CNTN1: variants seen among roughly 807,000 people sequenced by gnomAD.
The protein encoded by CNTN1 is contactin 1.
Under a neutral mutation model 126.4 loss-of-function variants are expected in CNTN1, and 38 were observed. The observed-to-expected ratio is 0.30, with a 90% confidence interval of 0.23 to 0.39. The LOEUF (loss-of-function observed/expected upper bound fraction) is 0.39, where lower values mean the gene tolerates loss of function less well. CNTN1 is among the 10% of genes least tolerant of loss of function. CNTN1 has a pLI of 1.00. For missense variants in CNTN1, 1,009 were observed against 1,248.4 expected, an observed-to-expected ratio of 0.81 and a Z score of 2.89; for synonymous variants, 413 against 422.6, an observed-to-expected ratio of 0.98 and a Z score of 0.28.
intron 14 of CNTN1, among the ~76,000 whole-genome samples, chr12:40,952,033 T>C (rs998056969): frequency 6.6e-6 from 1 of 152,124 alleles, no homozygotes; most frequent in African/African-American, 2.4e-5. Flanking sequence ...ATAGTACTAT[T>C]CTTTCTACTT....
chr12:41,006,336 CT>C (rs1161427059), intron 17 of CNTN1, among the ~76,000 whole-genome samples: 1 of 152,188 alleles, frequency 6.6e-6, no homozygotes, highest in African/African-American at 2.4e-5. Flanking sequence ...CTAACAAGTG[CT>C]GGGGTATCTG....
chr12:40,887,692 C>T (rs1298331622), intron 1 of CNTN1, among the ~76,000 whole-genome samples: 2 of 152,072 alleles, frequency 1.3e-5, no homozygotes, highest in African/African-American at 4.8e-5. Context: ...ATAAATCATG[C>T]TGCTATAAAG....
intron 1 of CNTN1, among the ~76,000 whole-genome samples, chr12:40,711,755 A>G (rs1034679821): frequency 1.3e-5 from 2 of 151,556 alleles, no homozygotes; most frequent in Non-Finnish European, 2.9e-5. Flanking sequence ...TCTGTCTTCC[A>G]TGCTGGAGTG....
At chr12:41,011,576 T>A (rs1948653982) in intron 17 of CNTN1, among the ~76,000 whole-genome samples, 1 of 152,238 alleles carries the variant, frequency 6.6e-6, no homozygotes, top group South Asian at 2.1e-4. Flanking sequence ...GTTGCAGGTG[T>A]GGCTTCCCCA....
At chr12:40,983,720 C>A (rs1251958271) in intron 16 of CNTN1, among the ~76,000 whole-genome samples, 1 of 147,804 alleles carries the variant, frequency 6.8e-6, no homozygotes, top group African/African-American at 2.5e-5. Flanking sequence ...CTCTTTTGTG[C>A]TATTACAGTA....
At chr12:40,760,984 A>G (rs1565698280) in intron 1 of CNTN1, among the ~76,000 whole-genome samples, 1 of 152,174 alleles carries the variant, frequency 6.6e-6, no homozygotes, top group Non-Finnish European at 1.5e-5. Flanking sequence ...TACTCTGTCA[A>G]ATAAAATTTA....
intron 22 of CNTN1, 36 bp from the exon 23 acceptor site, chr12:41,029,027 A>G (rs1949089985): frequency 6.2e-7 from 1 of 1,604,026 alleles, no homozygotes; most frequent in African/African-American, 1.3e-5. Flanking sequence ...CATTATTATG[A>G]CTTTACTGCA....
chr12:40,813,007 C>A (rs1009942140), intron 1 of CNTN1, among the ~76,000 whole-genome samples: 2 of 92,198 alleles, frequency 2.2e-5, no homozygotes, highest in Admixed American at 1.3e-4. Context: ...CTTTTTCCTT[C>A]CTTCCATCCT....
At chr12:40,809,146 T>A (rs1412246983) in intron 1 of CNTN1, among the ~76,000 whole-genome samples, 2 of 152,326 alleles carry the variant, frequency 1.3e-5, no homozygotes, top group East Asian at 1.9e-4. Flanking sequence ...TTCAGAAAGA[T>A]CCCTACAACC....
At chr12:41,058,201 T>C (rs1391806274) in intron 23 of CNTN1, among the ~76,000 whole-genome samples, 1 of 152,170 alleles carries the variant, frequency 6.6e-6, no homozygotes, top group Admixed American at 6.6e-5. Context: ...AGCTTCTTTT[T>C]AGGTTTCCTA....
At chr12:40,931,458 A>G (rs1229129739) in intron 7 of CNTN1, among the ~76,000 whole-genome samples, 1 of 151,874 alleles carries the variant, frequency 6.6e-6, no homozygotes, top group East Asian at 1.9e-4. Context: ...ATACCTTTGC[A>G]AGAGACTTCA....
At chr12:40,693,241 G>A (rs1228959733) in intron 1 of CNTN1, among the ~76,000 whole-genome samples, 3 of 152,250 alleles carry the variant, frequency 2.0e-5, no homozygotes, top group African/African-American at 4.8e-5. Flanking sequence ...ATCTGCGGCA[G>A]GTGGGAGGGA....
chr12:40,919,578 A>G (rs964820217), intron 4 of CNTN1, among the ~76,000 whole-genome samples: 1 of 152,194 alleles, frequency 6.6e-6, no homozygotes, highest in African/African-American at 2.4e-5. Flanking sequence ...GTCACTCAAC[A>G]AAGTTAATTT....
chr12:40,934,737 C>T (rs750925724), intron 9 of CNTN1, among the ~76,000 whole-genome samples: 11 of 152,008 alleles, frequency 7.2e-5, no homozygotes, highest in Non-Finnish European at 5.9e-5. Flanking sequence ...TTGTCTCCAT[C>T]TCCAGTTTTT....
At chr12:40,970,052 A>G (rs747818127) in intron 15 of CNTN1, among the ~76,000 whole-genome samples, 16 of 152,138 alleles carry the variant, frequency 1.1e-4, no homozygotes, top group Non-Finnish European at 2.2e-4. Context: ...GAATTTCTCG[A>G]GAAGAAAGGA....
chr12:40,956,404 G>T (rs1262926148), intron 14 of CNTN1, among the ~76,000 whole-genome samples: 2 of 152,040 alleles, frequency 1.3e-5, no homozygotes, highest in Non-Finnish European at 2.9e-5. Context: ...TATGACAGAA[G>T]TTTCATGGTA....
At chr12:40,973,086 A>G (rs1307730094) in intron 15 of CNTN1, among the ~76,000 whole-genome samples, 1 of 152,062 alleles carries the variant, frequency 6.6e-6, no homozygotes. Flanking sequence ...CTTAAACTAT[A>G]TCAATATCAA....
At chr12:40,982,967 G>A (rs939989255) in intron 16 of CNTN1, among the ~76,000 whole-genome samples, 18 of 151,308 alleles carry the variant, frequency 1.2e-4, no homozygotes, top group African/African-American at 4.1e-4. Context: ...GGGGAGGATA[G>A]CATTAGGAGA....
intron 1 of CNTN1, among the ~76,000 whole-genome samples, chr12:40,723,605 G>A (rs1233293976): frequency 2.6e-5 from 4 of 152,144 alleles, no homozygotes; most frequent in African/African-American, 9.7e-5. Flanking sequence ...TGGACTTAGA[G>A]GTGACTGAAA....
Sources: allele counts gnomAD v4.1 joint callset (sites outside exome capture counted in the v4.1 genomes callset), GRCh38; gene constraint gnomAD v4.1.1; transcripts MANE v1.5; gene names NCBI Gene and HGNC (gene_info 2026-07-23, HGNC 2026-07-21).